Variants in PCCA observed in about 807,000 individuals in gnomAD.
PCCA encodes propionyl-CoA carboxylase alpha chain, mitochondrial.
In PCCA, 74 loss-of-function variants were observed where a neutral mutation model predicts 101.3. The observed-to-expected ratio is 0.73, with a 90% CI of 0.61 to 0.89. The LOEUF (loss-of-function observed/expected upper bound fraction) is 0.89, where lower values mean the gene tolerates loss of function less well. PCCA is among the 40% of genes least tolerant of loss of function. PCCA has a pLI of 0.00. For missense variants in PCCA, 891 were observed against 907.0 expected, an observed-to-expected ratio of 0.98 and a Z score of 0.23; for synonymous variants, 294 against 313.6, an observed-to-expected ratio of 0.94 and a Z score of 0.66.
chr13:100,427,076 G>GTGTGGTGGCGGGCGCC (rs1441909178), intron 20 of PCCA, among the ~76,000 whole-genome samples: 2 of 152,186 alleles, frequency 1.3e-5, no homozygotes, highest in Non-Finnish European at 2.9e-5. Context: ...AATTAGCCGG[G>GTGTGGTGGCGGGCGCC]TGTGGTGGCG....
intron 19 of PCCA, among the ~76,000 whole-genome samples, chr13:100,416,191 T>TG (rs1318606672): frequency 1.4e-5 from 2 of 141,084 alleles, no homozygotes; most frequent in East Asian, 4.0e-4. Context: ...TAAATCATGG[T>TG]TTTTTTTTTT....
At chr13:100,228,424 T>G (rs77461437) in intron 7 of PCCA, among the ~76,000 whole-genome samples, 3,307 of 152,256 alleles carry the variant, frequency 0.022, 131 homozygotes, top group African/African-American at 0.076. Context: ...GAGTTTATTG[T>G]TCTAAGCCCT....
intron 9 of PCCA, among the ~76,000 whole-genome samples, chr13:100,262,051 G>A (rs749092425): frequency 1.3e-4 from 20 of 152,030 alleles, no homozygotes; most frequent in Non-Finnish European, 2.2e-4. Context: ...GGTATATTAT[G>A]GTTGAAGAAA....
chr13:100,486,854 G>T (rs2084416031), intron 21 of PCCA, among the ~76,000 whole-genome samples: 1 of 152,174 alleles, frequency 6.6e-6, no homozygotes, highest in Admixed American at 6.5e-5. Flanking sequence ...AGGAAGTCAA[G>T]GCTGCAGTGA....
chr13:100,107,950 A>G (rs1566482742), intron 2 of PCCA, among the ~76,000 whole-genome samples: 1 of 152,216 alleles, frequency 6.6e-6, no homozygotes, highest in Non-Finnish European at 1.5e-5. Flanking sequence ...GTGTAAACTC[A>G]TGCCTGTCCT....
chr13:100,483,862 T>G (rs2084151872), intron 21 of PCCA, among the ~76,000 whole-genome samples: 1 of 152,180 alleles, frequency 6.6e-6, no homozygotes, highest in African/African-American at 2.4e-5. Flanking sequence ...GATGGTGAAG[T>G]GATGGGTTGG....
Position 100,223,892 on chromosome 13 carries a change from T to C in PCCA, c.601-11950T>C, listed in dbSNP as rs1284113626. 2.6e-5 allele frequency among the ~76,000 whole-genome samples: 4 copies of C among 152,206 alleles called. No homozygotes were observed. The East Asian group carries it at 7.7e-4, about 29-fold the overall frequency. On this transcript the variant is annotated intron_variant, in intron 7 of 23. Coordinates refer to ENST00000376285, the MANE Select transcript of PCCA (RefSeq NM_000282.4). ...ATTGGTGCATTCACAAACCCTGAGC[T>C]AGACACAGGGTGCTGATTGGTGTAT...
At chr13:100,220,253 C>CT (rs575206350) in intron 7 of PCCA, among the ~76,000 whole-genome samples, 6 of 151,580 alleles carry the variant, frequency 4.0e-5, no homozygotes, top group East Asian at 1.9e-4. Context: ...TTTACAGTTT[C>CT]TTTTTTTTGT....
intron 19 of PCCA, 28 bp from the exon 20 acceptor site, chr13:100,425,605 G>A (rs777384017): frequency 8.2e-6 from 12 of 1,465,800 alleles, no homozygotes; most frequent in Non-Finnish European, 1.1e-5. Context: ...TTTCTTCATG[G>A]TAATGGTCTT....
intron 18 of PCCA, among the ~76,000 whole-genome samples, chr13:100,349,173 G>A (rs1185978346): frequency 6.6e-6 from 1 of 151,182 alleles, no homozygotes; most frequent in African/African-American, 2.4e-5. Context: ...GCCCAGGCTG[G>A]AGTGCGATGG....
chr13:100,248,395 G>C lies in PCCA; in HGVS notation c.638-9200G>C, dbSNP rs139454571. Among the ~76,000 whole-genome samples, 38 of 152,084 alleles carry C rather than the reference G, an allele frequency of 2.5e-4. No homozygotes were observed. In the East Asian group the frequency reaches 7.2e-3, roughly 29 times the overall value. ...TTTATACTCTATTTCTATTGTTTCA[G>C]TGCTTGCTATAGAAATTTCAACTTG... On this transcript the variant is annotated intron_variant, in intron 8 of 23. Transcript: ENST00000376285.
intron 16 of PCCA, among the ~76,000 whole-genome samples, chr13:100,321,378 A>C (rs1374279758): frequency 6.6e-6 from 1 of 152,072 alleles, no homozygotes; most frequent in Non-Finnish European, 1.5e-5. Context: ...TTTCACTTTC[A>C]TCTAAACAAA....
intron 20 of PCCA, among the ~76,000 whole-genome samples, chr13:100,431,718 T>C (rs1015074331): frequency 6.6e-6 from 1 of 151,738 alleles, no homozygotes; most frequent in Non-Finnish European, 1.5e-5. Context: ...TACAAAAAAT[T>C]AGCTGGGTGT....
At chr13:100,495,328 T>G (rs961595064) in intron 21 of PCCA, among the ~76,000 whole-genome samples, 32 of 152,316 alleles carry the variant, frequency 2.1e-4, no homozygotes, top group African/African-American at 7.5e-4. Flanking sequence ...GCTAGTCTAG[T>G]TAATTTCTGG....
chr13:100,423,554 G>C (rs1159420469), intron 19 of PCCA, among the ~76,000 whole-genome samples: 1 of 152,208 alleles, frequency 6.6e-6, no homozygotes, highest in Non-Finnish European at 1.5e-5. Flanking sequence ...AGTCATGATA[G>C]CTTCCTTGTT....
chr13:100,477,069 G>T (rs113227936), intron 21 of PCCA, among the ~76,000 whole-genome samples: 1 of 152,008 alleles, frequency 6.6e-6, no homozygotes, highest in Non-Finnish European at 1.5e-5. Context: ...GTAATTTACC[G>T]GGTAATGACC....
At chr13:100,420,309 A>G (rs1345463084) in intron 19 of PCCA, among the ~76,000 whole-genome samples, 1 of 152,240 alleles carries the variant, frequency 6.6e-6, no homozygotes, top group Non-Finnish European at 1.5e-5. Flanking sequence ...ATGGTGGCTC[A>G]CGTCTGTAAT....
At chr13:100,157,022 A>T (rs1215987041) in intron 5 of PCCA, among the ~76,000 whole-genome samples, 1 of 152,234 alleles carries the variant, frequency 6.6e-6, no homozygotes, top group East Asian at 1.9e-4. Context: ...TATACTCCCC[A>T]TTGTGGTTAG....
chr13:100,476,049 T>C (rs1375689699), intron 21 of PCCA, among the ~76,000 whole-genome samples: 1 of 152,244 alleles, frequency 6.6e-6, no homozygotes, highest in Non-Finnish European at 1.5e-5. Flanking sequence ...TCAAATGAGA[T>C]GATTTCGATA....
Sources: allele counts gnomAD v4.1 joint callset (sites outside exome capture counted in the v4.1 genomes callset), GRCh38; gene constraint gnomAD v4.1.1; transcripts MANE v1.5; gene names NCBI Gene and HGNC (gene_info 2026-07-23, HGNC 2026-07-21).